The following TUFT1 variants were observed in gnomAD, a reference collection of about 807,000 sequenced individuals.
The protein encoded by TUFT1 is tuftelin 1.
Under a neutral mutation model 57.8 loss-of-function variants are expected in TUFT1, and 43 were observed. That is an observed-to-expected ratio of 0.74 (90% CI 0.58 to 0.96). The LOEUF (loss-of-function observed/expected upper bound fraction) is 0.96. Among genes scored for constraint, TUFT1 ranks in the 40% least tolerant of loss-of-function variants. TUFT1 has a pLI of 0.00. For missense variants in TUFT1, 459 were observed against 489.0 expected (o/e 0.94, Z 0.58); for synonymous variants, 166 against 176.7 (o/e 0.94, Z 0.48).
intron 1 of TUFT1, among the ~76,000 whole-genome samples, chr1:151,559,127 A>G (rs1665803204): frequency 6.6e-6 from 1 of 152,214 alleles, no homozygotes; most frequent in Non-Finnish European, 1.5e-5. Context: ...CCTGGGAAGG[A>G]AGAATTTGGC....
chr1:151,581,890 G>A lies in TUFT1; in HGVS notation c.*183G>A, dbSNP rs1571725305. Reference sequence around the variant, plus strand: ...ACTCTAAGCTGGGCAGACGGAGCACGAGCACCTATTCAAGGCACTGCAGCC... The same window carrying A: ...ACTCTAAGCTGGGCAGACGGAGCACAAGCACCTATTCAAGGCACTGCAGCC... On this transcript the variant is annotated 3_prime_UTR_variant, in exon 13 of 13. Coordinates refer to ENST00000368849, the MANE Select transcript of TUFT1 (RefSeq NM_020127.3). 4 of 651,630 alleles carry A rather than the reference G, an allele frequency of 6.1e-6. No individual in the cohort carries two copies. Among genetic ancestry groups the A allele is most frequent in the East Asian group, 2.7e-5 (1 of 36,688 alleles). 40.4% of individuals were successfully genotyped at this position (651,630 alleles called of 1,614,324 possible).
Position 151,574,902 on chromosome 1 carries a change from C to T in TUFT1, c.724-9C>T. ...TCTCATCCTAGATTTTCTTTTGTGG[C>T]CCACCCAGGAGCATCAGGCCTTACT... On this transcript the variant is annotated splice_polypyrimidine_tract_variant and intron_variant, in intron 8 of 12. Coordinates refer to ENST00000368849, the MANE Select transcript of TUFT1 (RefSeq NM_020127.3). 3.8e-6 allele frequency: 6 copies of T among 1,560,506 alleles called. No homozygotes were observed. Among genetic ancestry groups the T allele is most frequent in the Non-Finnish European group, 5.2e-6 (6 of 1,151,436 alleles).
chr1:151,560,137 G>T (rs1025563329), intron 1 of TUFT1, among the ~76,000 whole-genome samples: 4 of 151,364 alleles, frequency 2.6e-5, no homozygotes, highest in Non-Finnish European at 5.9e-5. Flanking sequence ...TCAGTTGGGG[G>T]CCGGGTGCGG....
chr1:151,567,069 G>A (rs929272365), intron 6 of TUFT1, among the ~76,000 whole-genome samples: 9 of 151,962 alleles, frequency 5.9e-5, no homozygotes, highest in South Asian at 2.1e-4. Flanking sequence ...TAGGGCACGC[G>A]CCATTATGCC....
chr1:151,581,578 C>G lies in TUFT1; in HGVS notation c.1110-66C>G, dbSNP rs368529378. 86 of 1,522,924 alleles carry G rather than the reference C, an allele frequency of 5.6e-5. No individual in the cohort carries two copies. The African/African-American group carries it at 8.1e-4, about 14-fold the overall frequency. 94.3% of individuals were successfully genotyped at this position (1,522,924 alleles called of 1,614,324 possible). On this transcript the variant is annotated intron_variant, in intron 12 of 12. Coordinates refer to ENST00000368849, the MANE Select transcript of TUFT1 (RefSeq NM_020127.3). ...GGCCAATGTGAAGATTCCAGGGGCT[C>G]TGTGAAGGGTGGGCCACAACACAGC...
intron 2 of TUFT1, 143 bp from the exon 3 acceptor site, chr1:151,562,442 T>G: frequency 1.3e-6 from 1 of 766,342 alleles, no homozygotes; most frequent in South Asian, 1.8e-5. Flanking sequence ...AACGAATTTT[T>G]GGAGAGGAAA....
At position 151,557,558 on chromosome 1, in the gene TUFT1, A is replaced by T. The variant is rs1050935974; in HGVS notation, c.61-4533A>T. 7 of 1,147,510 alleles carry T rather than the reference A, an allele frequency of 6.1e-6. No individual in the cohort carries two copies. In the East Asian group the frequency reaches 1.4e-4, roughly 23 times the overall value. 71.1% of individuals were successfully genotyped at this position (1,147,510 alleles called of 1,614,324 possible). ...AAGCACCGGGAGCTGGCAGACAAGG[A>T]TGTGCCCAATCTTCATGTCATGAAG... On this transcript the variant is annotated intron_variant, in intron 1 of 12. Transcript: ENST00000368849.
chr1:151,564,083 C>T, intron 4 of TUFT1, 93 bp downstream of exon 4: 1 of 1,048,932 alleles, frequency 9.5e-7, no homozygotes, highest in Non-Finnish European at 1.4e-6. Flanking sequence ...TCTGGTTTTT[C>T]CCCTTCTTTT....
At chr1:151,578,669 G>C in intron 9 of TUFT1, 52 bp from the exon 10 acceptor site, 1 of 1,470,336 alleles carries the variant, frequency 6.8e-7, no homozygotes, top group Non-Finnish European at 9.2e-7. Flanking sequence ...CTGTGACTGG[G>C]TAAATAAGTG....
Position 151,582,116 on chromosome 1 carries a change from G to A in TUFT1, c.*409G>A, listed in dbSNP as rs1017697441. ...GGAGACACAGATGTCCAGAGTGATT[G>A]GAGAATGTCCTGGGGGAATGAAGTT... On this transcript the variant is annotated 3_prime_UTR_variant, in exon 13 of 13. Transcript: ENST00000368849. The A allele has an allele frequency of 2.1e-6, 1 of 472,180 alleles. No individual in the cohort carries two copies. The highest frequency in any genetic ancestry group is 1.5e-5 in the South Asian group (1 of 64,738). The allele number at this position is 472,180 out of a possible 1,614,324, so 29.2% of individuals were successfully genotyped here.
At position 151,569,788 on chromosome 1, in the gene TUFT1, G is replaced by T; in HGVS notation, c.594+18G>T. On this transcript the variant is annotated intron_variant, in intron 7 of 12. Coordinates refer to ENST00000368849, the MANE Select transcript of TUFT1 (RefSeq NM_020127.3). Reference sequence around the variant, plus strand: ...CTTTTGAGGTGAGATTTGGGATTTGGGGAGAAGGTGCCCTAAGGGATGGGC... The same window carrying T: ...CTTTTGAGGTGAGATTTGGGATTTGTGGAGAAGGTGCCCTAAGGGATGGGC... 1.2e-6 allele frequency: 2 copies of T among 1,601,594 alleles called. No homozygotes were observed. The highest frequency in any genetic ancestry group is 1.1e-5 in the South Asian group (1 of 90,740).
chr1:151,540,344 G>T lies in TUFT1; in HGVS notation c.-23G>T. ...AGACAGCGGGGTGGACAAGTGGCGTGTGTGCTGCGACCCCGAGGGAAGATG... is the reference window on the plus strand; with the variant it reads ...AGACAGCGGGGTGGACAAGTGGCGTTTGTGCTGCGACCCCGAGGGAAGATG... On this transcript the variant is annotated 5_prime_UTR_variant, in exon 1 of 13. Transcript: ENST00000368849. 3 of 1,614,094 alleles carry T rather than the reference G, an allele frequency of 1.9e-6. No homozygotes were observed. The highest frequency in any genetic ancestry group is 2.5e-6 in the Non-Finnish European group (3 of 1,179,954).
intron 12 of TUFT1, among the ~76,000 whole-genome samples, 157 bp downstream of exon 12, chr1:151,581,199 G>A (rs80320753): frequency 6.6e-6 from 1 of 152,060 alleles, no homozygotes; most frequent in Non-Finnish European, 1.5e-5. Flanking sequence ...CCATTTTCTA[G>A]CCCAATTAGA....
chr1:151,572,413 A>G (rs921195843), intron 7 of TUFT1, among the ~76,000 whole-genome samples: 9 of 152,056 alleles, frequency 5.9e-5, no homozygotes, highest in Admixed American at 1.3e-4. Context: ...GAATCAGACC[A>G]TGGCCTTATT....
At chr1:151,563,060 T>A (rs1665949110) in intron 3 of TUFT1, among the ~76,000 whole-genome samples, 1 of 152,164 alleles carries the variant, frequency 6.6e-6, no homozygotes, top group South Asian at 2.1e-4. Flanking sequence ...TTATATATTT[T>A]TAGTTTTGTA....
At chr1:151,548,741 G>C (rs555469635) in intron 1 of TUFT1, among the ~76,000 whole-genome samples, 1 of 152,294 alleles carries the variant, frequency 6.6e-6, no homozygotes, top group East Asian at 1.9e-4. Context: ...ATGAATTAAG[G>C]TTGCTGGTTT....
rs749059279 is a variant in TUFT1 at position 151,566,212 on chromosome 1, A to C, written c.464A>C (p.Tyr155Ser). 2.5e-6 allele frequency: 4 copies of C among 1,611,792 alleles called. No homozygotes were observed. The African/African-American group carries it at 5.3e-5, about 22-fold the overall frequency. The change falls in exon 6 of 13, where the codon TAC becomes TCC. Residue 155 changes from tyrosine to serine, a missense_variant. Transcript: ENST00000368849. ...TTTAGTCAGAGTCCCACAGCCCTGT[A>C]CAGCAGCCCACCTGAGGTAGGTAAC... The part of the protein sequence containing the change: ...NGFSQSPTAL[Y>S]SSPPEVDTCI...
At chr1:151,564,660 G>C in intron 5 of TUFT1, 46 bp downstream of exon 5, 1 of 1,513,190 alleles carries the variant, frequency 6.6e-7, no homozygotes, top group East Asian at 2.3e-5. Context: ...AGGAGGTGGG[G>C]TTGTGCCAGG....
intron 1 of TUFT1, among the ~76,000 whole-genome samples, chr1:151,555,547 G>A (rs1665665944): frequency 6.6e-6 from 1 of 150,774 alleles, no homozygotes; most frequent in South Asian, 2.1e-4. Context: ...GGGAGGCCGA[G>A]GCAGGCAGAT....
Sources: allele counts gnomAD v4.1 joint callset (sites outside exome capture counted in the v4.1 genomes callset), GRCh38; gene constraint gnomAD v4.1.1; transcripts MANE v1.5; gene names NCBI Gene and HGNC (gene_info 2026-07-23, HGNC 2026-07-21).